PDGFC: variants seen among roughly 807,000 people sequenced by gnomAD.
PDGFC encodes the protein platelet derived growth factor C.
Under a neutral mutation model 35.5 loss-of-function variants are expected in PDGFC, and 12 were observed. That is an observed-to-expected ratio of 0.34 (90% CI 0.22 to 0.55). PDGFC has a LOEUF of 0.55. PDGFC is among the 20% of genes least tolerant of loss of function. The pLI, the probability that PDGFC is intolerant of heterozygous loss-of-function variation, is 0.91. For synonymous variants in PDGFC, 159 were observed against 148.8 expected (o/e 1.07, Z -0.50); for missense variants, 322 against 412.4 (o/e 0.78, Z 1.90).
chr4:156,953,424 C>A (rs1579122597), intron 1 of PDGFC, among the ~76,000 whole-genome samples: 1 of 151,858 alleles, frequency 6.6e-6, no homozygotes, highest in Non-Finnish European at 1.5e-5. Flanking sequence ...TCATTAAGAA[C>A]GTATTCACAT....
intron 1 of PDGFC, among the ~76,000 whole-genome samples, chr4:156,866,551 G>C (rs2111129023): frequency 6.6e-6 from 1 of 152,178 alleles, no homozygotes. Flanking sequence ...GTGCGTGTGT[G>C]TGTGTGTTTA....
chr4:156,866,788 TAA>T (rs1023618444), intron 1 of PDGFC, among the ~76,000 whole-genome samples: 121 of 140,104 alleles, frequency 8.6e-4, no homozygotes, highest in African/African-American at 3.3e-3. Flanking sequence ...TAACATTAAT[TAA>T]AACAGTTTTT....
intron 1 of PDGFC, among the ~76,000 whole-genome samples, chr4:156,957,534 T>C (rs77083811): frequency 0.021 from 3,237 of 152,064 alleles, 122 homozygotes; most frequent in African/African-American, 0.074. Context: ...TAGCACTGAC[T>C]TTTTTTCCTT....
intron 2 of PDGFC, among the ~76,000 whole-genome samples, chr4:156,824,421 CAT>C (rs1000007635): frequency 1.3e-5 from 2 of 150,630 alleles, no homozygotes; most frequent in Admixed American, 6.6e-5. Context: ...TACACACACA[CAT>C]ATATATACAC....
Position 156,885,643 on chromosome 4 carries a change from C to T in PDGFC, c.119-35227G>A, listed in dbSNP as rs193046250. Among the ~76,000 whole-genome samples, 360 of 152,134 alleles carry T rather than the reference C, an allele frequency of 2.4e-3. 4 individuals carry two copies. The highest frequency in any genetic ancestry group is 7.5e-3 in the Admixed American group (114 of 15,276). On this transcript the variant is annotated intron_variant, in intron 1 of 5. Transcript: ENST00000502773. ...TAAGTGGTTCACACCTGTAACCCCA[C>T]ACCTTTGGGAGGCTGAGGTGAGAGT...
chr4:156,836,600 G>A (rs2111040210), intron 2 of PDGFC, among the ~76,000 whole-genome samples: 1 of 152,220 alleles, frequency 6.6e-6, no homozygotes, highest in African/African-American at 2.4e-5. Context: ...ACACTGACTA[G>A]GATATAATAT....
intron 1 of PDGFC, among the ~76,000 whole-genome samples, chr4:156,926,739 A>G (rs745461452): frequency 9.2e-5 from 14 of 152,100 alleles, no homozygotes; most frequent in Non-Finnish European, 1.9e-4. Context: ...CTCCTGGCTG[A>G]CTTTGTGGGC....
At position 156,898,662 on chromosome 4, in the gene PDGFC, T is replaced by C. The variant is rs193243362; in HGVS notation, c.119-48246A>G. 3.5e-3 allele frequency among the ~76,000 whole-genome samples: 531 copies of C among 152,144 alleles called. 4 individuals carry two copies. Among genetic ancestry groups the C allele is most frequent in the African/African-American group, 0.012 (501 of 41,530 alleles). On this transcript the variant is annotated intron_variant, in intron 1 of 5. Coordinates refer to ENST00000502773, the MANE Select transcript of PDGFC (RefSeq NM_016205.3). ...CCATTTTTTTTTCTTTTTTCTTTTC[T>C]TTTGCTCTTTTTTTCAGACAGGGTC...
intron 1 of PDGFC, among the ~76,000 whole-genome samples, chr4:156,905,288 C>T (rs140441980): frequency 3.5e-4 from 54 of 152,146 alleles, no homozygotes; most frequent in African/African-American, 1.3e-3. Flanking sequence ...TTTTGAATGT[C>T]CCTTATATGA....
intron 3 of PDGFC, chr4:156,779,137 C>T (rs1259650730): frequency 8.8e-6 from 4 of 456,016 alleles, no homozygotes; most frequent in South Asian, 6.2e-5. Context: ...AAATGCCTGC[C>T]AGGAACAACT....
Position 156,961,327 on chromosome 4 carries a change from C to T in PDGFC, c.118+9459G>A, listed in dbSNP as rs189376924. Among the ~76,000 whole-genome samples the T allele has an allele frequency of 1.6e-3, 248 of 152,202 alleles. 7 individuals are homozygous for T. In the South Asian group the frequency reaches 0.047, roughly 29 times the overall value. Reference sequence around the variant, plus strand: ...CAGAAACAACAGGAGATAAGTACCACGTAAATTCAACTTCTGTTGTTAATG... The same window carrying T: ...CAGAAACAACAGGAGATAAGTACCATGTAAATTCAACTTCTGTTGTTAATG... On this transcript the variant is annotated intron_variant, in intron 1 of 5. Coordinates refer to ENST00000502773, the MANE Select transcript of PDGFC (RefSeq NM_016205.3).
chr4:156,882,145 C>T (rs989224076), intron 1 of PDGFC, among the ~76,000 whole-genome samples: 1 of 152,030 alleles, frequency 6.6e-6, no homozygotes, highest in East Asian at 1.9e-4. Flanking sequence ...CCTAAGTATC[C>T]TGCTATTTCA....
intron 1 of PDGFC, among the ~76,000 whole-genome samples, chr4:156,956,454 A>C (rs1478000346): frequency 6.6e-6 from 1 of 152,036 alleles, no homozygotes; most frequent in Non-Finnish European, 1.5e-5. Context: ...CAGTTTATGA[A>C]GCACCAATCC....
chr4:156,970,161 T>C (rs1166792490), intron 1 of PDGFC, among the ~76,000 whole-genome samples: 3 of 152,112 alleles, frequency 2.0e-5, no homozygotes, highest in African/African-American at 7.2e-5. Context: ...ACACACAAAA[T>C]AGCAGTCATT....
chr4:156,937,638 C>A (rs1731715285), intron 1 of PDGFC, among the ~76,000 whole-genome samples: 1 of 152,136 alleles, frequency 6.6e-6, no homozygotes, highest in African/African-American at 2.4e-5. Flanking sequence ...GAGGTTGGCG[C>A]TGCAGTGAGC....
At position 156,938,844 on chromosome 4, in the gene PDGFC, CTAT is replaced by C. The variant is rs540112951; in HGVS notation, c.118+31939_118+31941del. On this transcript the variant is annotated intron_variant, in intron 1 of 5. Transcript: ENST00000502773. ...CAACATTATAAATAATATAAGTAAA[CTAT>C]TATTAATATAAATACAATTTATTTT... Among the ~76,000 whole-genome samples, 530 of 151,398 alleles carry C rather than the reference CTAT, an allele frequency of 3.5e-3. 4 individuals are homozygous for C. Among genetic ancestry groups the C allele is most frequent in the African/African-American group, 0.012 (495 of 41,408 alleles).
chr4:156,781,304 G>A (rs1454002296), intron 3 of PDGFC, among the ~76,000 whole-genome samples: 4 of 152,060 alleles, frequency 2.6e-5, no homozygotes, highest in Non-Finnish European at 4.4e-5. Flanking sequence ...AGGCCAACAT[G>A]TGAAACAGTC....
intron 3 of PDGFC, among the ~76,000 whole-genome samples, chr4:156,804,423 A>T (rs1731700988): frequency 6.6e-6 from 1 of 151,958 alleles, no homozygotes; most frequent in South Asian, 2.1e-4. Flanking sequence ...TTTTTATAAC[A>T]CATTTGAGAA....
chr4:156,788,483 T>C (rs1005190450), intron 3 of PDGFC, among the ~76,000 whole-genome samples: 2 of 152,176 alleles, frequency 1.3e-5, no homozygotes, highest in African/African-American at 4.8e-5. Flanking sequence ...GGGCCAAAAA[T>C]CCTTACTTGA....
Sources: gnomAD v4.1 joint callset for allele counts (sites outside exome capture counted in the v4.1 genomes callset) on GRCh38, gnomAD v4.1.1 for gene constraint, MANE v1.5 for transcripts, NCBI Gene and HGNC (gene_info 2026-07-23, HGNC 2026-07-21) for gene names.